Variants in THRB observed in about 807,000 individuals in gnomAD.
THRB encodes thyroid hormone receptor beta.
THRB carries 12 observed loss-of-function variants against 47.8 expected under a neutral mutation model. The observed-to-expected ratio is 0.25, with a 90% confidence interval of 0.16 to 0.41. THRB has a LOEUF of 0.41. Among genes scored for constraint, THRB ranks in the 10% least tolerant of loss-of-function variants. The pLI is 1.00. For synonymous variants in THRB, 218 were observed against 212.2 expected (o/e 1.03, Z -0.24); for missense variants, 348 against 589.2 (o/e 0.59, Z 4.24).
At position 24,479,685 on chromosome 3, in the gene THRB, G is replaced by A. The variant is rs377470306; in HGVS notation, c.-261+14967C>T. On this transcript the variant is annotated intron_variant, in intron 1 of 10. Transcript: ENST00000646209. Reference sequence around the variant, plus strand: ...TTAGTGTTCCAGCTAAACGCAGTTTGCCCCTCATGAGAACCATGCAAAAGT... The same window carrying A: ...TTAGTGTTCCAGCTAAACGCAGTTTACCCCTCATGAGAACCATGCAAAAGT... 1.7e-3 allele frequency among the ~76,000 whole-genome samples: 254 copies of A among 152,220 alleles called. 4 individuals carry two copies. The South Asian group carries it at 0.034, about 20-fold the overall frequency.
At position 24,118,227 on chromosome 3, in the gene THRB, T is replaced by C. The variant is rs2030997088; in HGVS notation, c.*4657A>G. The C allele has an allele frequency of 1.3e-5, 2 of 152,650 alleles. No homozygotes were observed. Among genetic ancestry groups the C allele is most frequent in the South Asian group, 4.1e-4 (2 of 4,828 alleles). 9.5% of individuals were successfully genotyped at this position (152,650 alleles called of 1,614,324 possible). A position where few individuals can be genotyped will look rare whatever the true frequency, so the allele number is the denominator to read the frequency against. ...CAGGAAAATATATCTGTTATAAGCT[T>C]TTTCTTTTTTAGAATTTAAGCTTAT... On this transcript the variant is annotated 3_prime_UTR_variant, in exon 11 of 11. Coordinates refer to ENST00000646209, the MANE Select transcript of THRB (RefSeq NM_001354712.2).
chr3:24,405,231 CAT>C, intron 1 of THRB, among the ~76,000 whole-genome samples: 1 of 152,080 alleles, frequency 6.6e-6, no homozygotes, highest in South Asian at 2.1e-4. Flanking sequence ...AGGCAGCAAA[CAT>C]GTCACAGGTC....
chr3:24,331,537 C>T (rs1031329176), intron 2 of THRB, among the ~76,000 whole-genome samples: 1 of 152,066 alleles, frequency 6.6e-6, no homozygotes, highest in Non-Finnish European at 1.5e-5. Context: ...CTTAGGGATA[C>T]CAAAGTGTGA....
At position 24,228,962 on chromosome 3, in the gene THRB, G is replaced by C; in HGVS notation, c.-3C>G. The C allele has an allele frequency of 6.2e-7, 1 of 1,612,110 alleles. No homozygotes were observed. The highest frequency in any genetic ancestry group is 8.5e-7 in the Non-Finnish European group (1 of 1,178,800). Reference sequence around the variant, plus strand: ...CCTGTCATACTGTTGGGAGTCATAGGTTAGTAATCATTCTGGATCCCTTTT... The same window carrying C: ...CCTGTCATACTGTTGGGAGTCATAGCTTAGTAATCATTCTGGATCCCTTTT... On this transcript the variant is annotated 5_prime_UTR_variant, in exon 4 of 11. Transcript: ENST00000646209.
chr3:24,310,424 C>T lies in THRB; in HGVS notation c.-188-13053G>A, dbSNP rs569603802. Among the ~76,000 whole-genome samples, 4 of 152,286 alleles carry T rather than the reference C, an allele frequency of 2.6e-5. No homozygotes were observed. In the South Asian group the frequency reaches 8.3e-4, roughly 32 times the overall value. ...TCTTTACATAAACAACTACTTCTTC[C>T]AGAACTTCAGTGACCACTCATTTGC... On this transcript the variant is annotated intron_variant, in intron 2 of 10. Transcript: ENST00000646209.
chr3:24,390,043 T>G (rs1218817922), intron 1 of THRB, among the ~76,000 whole-genome samples: 1 of 152,118 alleles, frequency 6.6e-6, no homozygotes, highest in Non-Finnish European at 1.5e-5. Context: ...CAAGGCTATA[T>G]TTGTATAGCA....
chr3:24,250,771 A>G (rs1284939690), intron 3 of THRB, among the ~76,000 whole-genome samples: 1 of 152,178 alleles, frequency 6.6e-6, no homozygotes, highest in East Asian at 1.9e-4. Context: ...ATGGAAACAC[A>G]ATAGTGGTTG....
At chr3:24,386,163 C>T (rs992653729) in intron 1 of THRB, among the ~76,000 whole-genome samples, 2 of 152,104 alleles carry the variant, frequency 1.3e-5, no homozygotes, top group African/African-American at 4.8e-5. Flanking sequence ...TTTCCACAGT[C>T]TGAATCTGAG....
At chr3:24,278,010 A>T (rs2054116061) in intron 3 of THRB, among the ~76,000 whole-genome samples, 1 of 152,224 alleles carries the variant, frequency 6.6e-6, no homozygotes, top group Admixed American at 6.5e-5. Flanking sequence ...TCCTCCAAAT[A>T]GGCAGAAGTC....
chr3:24,484,333 C>T (rs1396513133), intron 1 of THRB, among the ~76,000 whole-genome samples: 1 of 152,044 alleles, frequency 6.6e-6, no homozygotes, highest in Admixed American at 6.5e-5. Flanking sequence ...ACTCTAGAGT[C>T]CTGTCATCAA....
intron 1 of THRB, among the ~76,000 whole-genome samples, chr3:24,419,892 G>C (rs1405261881): frequency 6.6e-6 from 1 of 151,756 alleles, no homozygotes; most frequent in African/African-American, 2.4e-5. Context: ...GGAAGAGTAG[G>C]TATTTATTAT....
intron 7 of THRB, among the ~76,000 whole-genome samples, chr3:24,145,645 C>T (rs1005245161): frequency 6.6e-6 from 1 of 152,134 alleles, no homozygotes; most frequent in African/African-American, 2.4e-5. Context: ...CTAACATAAC[C>T]CTCTTCCTTT....
In THRB at chr3:24,372,091, G is replaced by A. The variant is rs143377089; in HGVS notation, c.-260-34720C>T. Among the ~76,000 whole-genome samples the A allele has an allele frequency of 7.9e-4, 121 of 152,208 alleles. 3 individuals are homozygous for A. In the East Asian group the frequency reaches 9.9e-3, roughly 12 times the overall value. ...ACTTCCATGACAAATCTGTGAGACA[G>A]ATGGAGCAGGTATTGTCTTCCATAT... On this transcript the variant is annotated intron_variant, in intron 1 of 10. Transcript: ENST00000646209.
chr3:24,168,681 C>T (rs2040007173), intron 5 of THRB, among the ~76,000 whole-genome samples: 2 of 151,556 alleles, frequency 1.3e-5, no homozygotes, highest in African/African-American at 4.9e-5. Context: ...GCAGGAAATC[C>T]TGTGTACTAA....
chr3:24,395,596 T>A (rs1389008615), intron 1 of THRB, among the ~76,000 whole-genome samples: 4 of 152,128 alleles, frequency 2.6e-5, no homozygotes, highest in Admixed American at 1.3e-4. Flanking sequence ...ATGGCTATCA[T>A]CAAAACAAGA....
intron 4 of THRB, among the ~76,000 whole-genome samples, chr3:24,219,558 T>A (rs1057151271): frequency 2.0e-5 from 3 of 152,180 alleles, no homozygotes; most frequent in African/African-American, 7.2e-5. Context: ...TGGGCAAAAG[T>A]AACAACAGAC....
Position 24,457,542 on chromosome 3 carries a change from A to T in THRB, c.-261+37110T>A, listed in dbSNP as rs190496743. The stretch of plus-strand genomic sequence containing the variant: ...TTTCATCAGCTGACCAAAAATCTGG[A>T]TTTTTCTGACATTGTCTTAAAAGGC... On this transcript the variant is annotated intron_variant, in intron 1 of 10. Transcript: ENST00000646209. Among the ~76,000 whole-genome samples the T allele has an allele frequency of 7.8e-4, 119 of 152,274 alleles. 1 individual carries two copies. The highest frequency in any genetic ancestry group is 2.8e-3 in the African/African-American group (117 of 41,552).
intron 3 of THRB, among the ~76,000 whole-genome samples, chr3:24,231,914 C>G (rs4474983): frequency 0.086 from 13,058 of 152,166 alleles, 669 homozygotes; most frequent in Middle Eastern, 0.15. Flanking sequence ...AGGAAGGAAA[C>G]AAAAACAGCG....
chr3:24,391,185 A>C (rs1252692821), intron 1 of THRB, among the ~76,000 whole-genome samples: 1 of 152,172 alleles, frequency 6.6e-6, no homozygotes, highest in African/African-American at 2.4e-5. Context: ...GGTAAGACCC[A>C]GGTGGTTCTG....
Sources: allele counts gnomAD v4.1 joint callset (sites outside exome capture counted in the v4.1 genomes callset), GRCh38; gene constraint gnomAD v4.1.1; transcripts MANE v1.5; gene names NCBI Gene and HGNC (gene_info 2026-07-23, HGNC 2026-07-21).